The following EXOC3L4 variants were observed in gnomAD, a reference collection of about 807,000 sequenced individuals.
EXOC3L4 encodes the protein exocyst complex component 3-like protein 4.
In EXOC3L4, 62 loss-of-function variants were observed where a neutral mutation model predicts 69.7. The ratio of observed to expected loss-of-function variants is 0.89; its 90% confidence interval spans 0.72 to 1.10. The LOEUF is 1.10. EXOC3L4 is among the 50% of genes least tolerant of loss of function. The pLI is 0.00. For missense variants in EXOC3L4, 1,087 were observed against 1,034.8 expected (o/e 1.05, Z -0.69); for synonymous variants, 502 against 464.2 (o/e 1.08, Z -1.05).
At chr14:103,101,162 C>G (rs1890167783) in intron 2 of EXOC3L4, among the ~76,000 whole-genome samples, 1 of 152,146 alleles carries the variant, frequency 6.6e-6, no homozygotes, top group Non-Finnish European at 1.5e-5. Flanking sequence ...CCCTCAGCCT[C>G]CCAAAGTGCT....
chr14:103,109,136 G>T (rs1167790521), intron 11 of EXOC3L4, among the ~76,000 whole-genome samples: 1 of 142,654 alleles, frequency 7.0e-6, no homozygotes, highest in Non-Finnish European at 1.5e-5. Context: ...ACCCGCAGCT[G>T]CATCACCCCC....
chr14:103,109,807 C>T (rs1460462951), intron 11 of EXOC3L4, among the ~76,000 whole-genome samples: 13 of 150,512 alleles, frequency 8.6e-5, no homozygotes, highest in Non-Finnish European at 1.6e-4. Context: ...TCTGCACACC[C>T]CTCTCCTGTG....
At position 103,104,086 on chromosome 14, in the gene EXOC3L4, G is replaced by C. The variant is rs1566949874; in HGVS notation, c.1161+34G>C. ...GGGCGGGTCAGGCTGGGCGGGCCAG[G>C]CTGGAGGGGGCGGGCCCTGGGGGGA... On this transcript the variant is annotated intron_variant, in intron 4 of 11. Coordinates refer to ENST00000688303, the MANE Select transcript of EXOC3L4 (RefSeq NM_001077594.2). 3.3e-6 allele frequency: 5 copies of C among 1,508,766 alleles called. No homozygotes were observed. In the South Asian group the frequency reaches 6.3e-5, roughly 19 times the overall value. The allele number at this position is 1,508,766 out of a possible 1,614,324, so 93.5% of individuals were successfully genotyped here. A position where few individuals can be genotyped will look rare whatever the true frequency, so the allele number is the denominator to read the frequency against.
In EXOC3L4 at chr14:103,106,793, T is replaced by C; in HGVS notation, c.1475T>C (p.Leu492Pro). Residue 492 changes from leucine to proline, a missense_variant, in exon 8 of 12, where the codon CTT (leucine) becomes CCT (proline). Leu to Pro is a moderately conservative substitution (Grantham distance 98). Coordinates refer to ENST00000688303, the MANE Select transcript of EXOC3L4 (RefSeq NM_001077594.2). ...TCCTGGCCCCTCCCCAGGACCAGTCTTCTCTCCAGGTTCCCAGGAACCCAA... is the reference window on the plus strand; with the variant it reads ...TCCTGGCCCCTCCCCAGGACCAGTCCTCTCTCCAGGTTCCCAGGAACCCAA... ...INACEELRTS[L>P]LSRFPGTQEE... 6.3e-7 allele frequency: 1 copy of C among 1,580,996 alleles called. No individual in the cohort carries two copies. The highest frequency in any genetic ancestry group is 8.6e-7 in the Non-Finnish European group (1 of 1,162,482).
chr14:103,105,028 C>A lies in EXOC3L4; in HGVS notation c.1422C>A (p.Ser474Arg), dbSNP rs200219064. 6.2e-7 allele frequency: 1 copy of A among 1,610,556 alleles called. No homozygotes were observed. Among genetic ancestry groups the A allele is most frequent in the African/African-American group, 1.3e-5 (1 of 74,880 alleles). The stretch of plus-strand genomic sequence containing the variant: ...CTTTTCTGGCGTCGGAGGCGGTGAG[C>A]GAGCCGCACCTGGGCGCCTACATCA... ...EKAFLASEAVSEPHLGAYINA... is the reference protein window; with the variant it reads ...EKAFLASEAVREPHLGAYINA... Residue 474 changes from serine to arginine, a missense_variant, in exon 7 of 12, where the codon AGC becomes AGA. Physicochemically the swap from Ser to Arg is moderately radical, Grantham distance 110. Transcript: ENST00000688303.
chr14:103,100,386 C>T lies in EXOC3L4; in HGVS notation c.167C>T (p.Ala56Val), dbSNP rs1330512001. 6.2e-7 allele frequency: 1 copy of T among 1,609,284 alleles called. No homozygotes were observed. Among genetic ancestry groups the T allele is most frequent in the Non-Finnish European group, 8.5e-7 (1 of 1,177,918 alleles). ...CTGGGCCTGGGCTCCCTGAGGCAGG[C>T]CTTCTCCCGGGCCAGCCAGCGGGCT... is the stretch of plus-strand genomic sequence containing the variant. ...TRLGLGSLRQ[A>V]FSRASQRALT... The change falls in exon 2 of 12, where the codon GCC becomes GTC. Residue 56 changes from alanine (A) to valine (V), a missense_variant. Ala to Val is a moderately conservative substitution (Grantham distance 64). Transcript: ENST00000688303.
At chr14:103,104,899 A>AG in intron 6 of EXOC3L4, 61 bp downstream of exon 6, 1 of 1,551,138 alleles carries the variant, frequency 6.4e-7, no homozygotes. Flanking sequence ...GGTGGGAGGG[A>AG]GGAGTCTGCG....
chr14:103,098,129 G>C (rs74085392), intron 1 of EXOC3L4, among the ~76,000 whole-genome samples: 2,428 of 152,244 alleles, frequency 0.016, 64 homozygotes, highest in African/African-American at 0.052. Context: ...CGAAGTTCTG[G>C]TTTGGGACAA....
chr14:103,109,999 G>A (rs1380276913), intron 11 of EXOC3L4, 32 bp from the exon 12 acceptor site: 1 of 1,558,078 alleles, frequency 6.4e-7, no homozygotes, highest in Non-Finnish European at 8.7e-7. Context: ...CGGAGGTGTA[G>A]GTCTGCAGTG....
intron 5 of EXOC3L4, 23 bp downstream of exon 5, chr14:103,104,412 G>T: frequency 1.3e-6 from 2 of 1,533,470 alleles, no homozygotes; most frequent in Admixed American, 2.0e-5. Context: ...AGCAGGGGCT[G>T]AGAAGGGGCG....
chr14:103,103,500 C>A (rs891356271), intron 3 of EXOC3L4: 1 of 162,976 alleles, frequency 6.1e-6, no homozygotes, highest in African/African-American at 2.4e-5. Context: ...GGATTGCCTT[C>A]CCCGCGGAGC....
At chr14:103,107,993 AG>A (rs1890668288) in intron 10 of EXOC3L4, among the ~76,000 whole-genome samples, 1 of 150,962 alleles carries the variant, frequency 6.6e-6, no homozygotes. Flanking sequence ...TACAGTTTGC[AG>A]GGGTGCGGGG....
In EXOC3L4 at chr14:103,102,183, C is replaced by A. The variant is rs776266136; in HGVS notation, c.460C>A (p.Arg154Ser). The A allele has an allele frequency of 6.2e-7, 1 of 1,601,516 alleles. No individual in the cohort carries two copies. The highest frequency in any genetic ancestry group is 1.3e-5 in the African/African-American group (1 of 74,714). The change falls in exon 3 of 12, where the codon CGC becomes AGC. Residue 154 changes from arginine (R) to serine (S), a missense_variant. By Grantham distance (110) the Arg-to-Ser change is moderately radical (BLOSUM62 -1). Coordinates refer to ENST00000688303, the MANE Select transcript of EXOC3L4 (RefSeq NM_001077594.2). ...QLLAAFEQLL[R>S]LETLLVAEKA... ...GCTGGCGGCCTTCGAACAGCTTCTG[C>A]GCCTGGAGACGCTGCTGGTGGCCGA... is the stretch of plus-strand genomic sequence containing the variant.
Position 103,110,528 on chromosome 14 carries a change from G to T in EXOC3L4, c.*305G>T, listed in dbSNP as rs966564088. 3 of 475,704 alleles carry T rather than the reference G, an allele frequency of 6.3e-6. No homozygotes were observed. Among genetic ancestry groups the T allele is most frequent in the African/African-American group, 6.0e-5 (3 of 50,130 alleles). The allele number at this position is 475,704 out of a possible 1,614,324, so 29.5% of individuals were successfully genotyped here. A position where few individuals can be genotyped will look rare whatever the true frequency, so the allele number is the denominator to read the frequency against. ...CTCCAGTCTGAAAGTGAAGAGCAGAGTATTTATTTAAAAAATAAATGTGAA... is the reference window on the plus strand; with the variant it reads ...CTCCAGTCTGAAAGTGAAGAGCAGATTATTTATTTAAAAAATAAATGTGAA... On this transcript the variant is annotated 3_prime_UTR_variant, in exon 12 of 12. Coordinates refer to ENST00000688303, the MANE Select transcript of EXOC3L4 (RefSeq NM_001077594.2).
At chr14:103,103,289 A>G (rs558785370) in intron 3 of EXOC3L4, among the ~76,000 whole-genome samples, 1 of 140,126 alleles carries the variant, frequency 7.1e-6, no homozygotes, top group African/African-American at 2.7e-5. Flanking sequence ...CGGGAGGCGG[A>G]GGTTGCAGTG....
intron 10 of EXOC3L4, among the ~76,000 whole-genome samples, chr14:103,107,995 G>A (rs1258847555): frequency 6.6e-6 from 1 of 152,162 alleles, no homozygotes; most frequent in East Asian, 1.9e-4. Flanking sequence ...CAGTTTGCAG[G>A]GGTGCGGGGA....
chr14:103,106,107 G>A (rs902221934), intron 7 of EXOC3L4, among the ~76,000 whole-genome samples: 5 of 152,218 alleles, frequency 3.3e-5, no homozygotes, highest in South Asian at 2.1e-4. Flanking sequence ...CATCCCAAGC[G>A]CAGTATACCC....
Position 103,100,241 on chromosome 14 carries a change from A to C in EXOC3L4, c.22A>C (p.Thr8Pro). The change falls in exon 2 of 12, where the codon ACT (threonine) becomes CCT (proline). Residue 8 changes from threonine (T) to proline (P), a missense_variant. Coordinates refer to ENST00000688303, the MANE Select transcript of EXOC3L4 (RefSeq NM_001077594.2). Reference sequence around the variant, plus strand: ...CAAGATGCCATCACCACAGACAGACACTCCTGGGCCGGAGCTGCAGAGTCC... The same window carrying C: ...CAAGATGCCATCACCACAGACAGACCCTCCTGGGCCGGAGCTGCAGAGTCC... MPSPQTD[T>P]PGPELQSPKE... The C allele has an allele frequency of 6.3e-7, 1 of 1,578,618 alleles. No individual in the cohort carries two copies. The highest frequency in any genetic ancestry group is 8.6e-7 in the Non-Finnish European group (1 of 1,159,648).
intron 7 of EXOC3L4, among the ~76,000 whole-genome samples, chr14:103,106,526 A>G (rs1890557624): frequency 6.6e-6 from 1 of 152,158 alleles, no homozygotes. Context: ...CGCACTGTTT[A>G]TCACCAAGAG....
Sources: gnomAD v4.1 joint callset for allele counts (sites outside exome capture counted in the v4.1 genomes callset) on GRCh38, gnomAD v4.1.1 for gene constraint, MANE v1.5 for transcripts, NCBI Gene and HGNC (gene_info 2026-07-23, HGNC 2026-07-21) for gene names.